Variants in AGAP1 observed in about 807,000 individuals in gnomAD.
AGAP1 encodes arf-GAP with GTPase, ANK repeat and PH domain-containing protein 1.
A neutral mutation model predicts 105.3 loss-of-function variants in AGAP1; 29 were observed. The observed-to-expected ratio is 0.28, with a 90% CI of 0.21 to 0.38. The LOEUF is 0.38. AGAP1 is among the 10% of genes least tolerant of loss of function. AGAP1 has a pLI of 1.00. For missense variants in AGAP1, 998 were observed against 1,165.1 expected (o/e 0.86, Z 2.09); for synonymous variants, 509 against 485.9 (o/e 1.05, Z -0.63).
In AGAP1 at chr2:235,928,168, G is replaced by A. The variant is rs373396370; in HGVS notation, c.1325-2597G>A. 3.3e-4 allele frequency among the ~76,000 whole-genome samples: 50 copies of A among 152,228 alleles called. 1 individual carries two copies. Among genetic ancestry groups the A allele is most frequent in the East Asian group, 1.4e-3 (7 of 5,176 alleles). ...TTTTCCACCTTTGCGGAGTCCTTTC[G>A]CCCACCATAACAGTGTCAGCAGTGT... On this transcript the variant is annotated intron_variant, in intron 11 of 17. Coordinates refer to ENST00000304032, the MANE Select transcript of AGAP1 (RefSeq NM_001037131.3).
chr2:235,793,107 C>T lies in AGAP1; in HGVS notation c.674-4652C>T, dbSNP rs73998904. 0.041 allele frequency among the ~76,000 whole-genome samples: 6,191 copies of T among 152,186 alleles called. 412 individuals are homozygous for T. Among genetic ancestry groups the T allele is most frequent in the African/African-American group, 0.14 (5,751 of 41,486 alleles). On this transcript the variant is annotated intron_variant, in intron 6 of 17. Transcript: ENST00000304032. This position sits in a 1 kb window ranked among gnomAD's most constrained non-coding sequence, Gnocchi z 5.3. ...GAGGAAAGGAGGGAATGACGAGGAA[C>T]GCCACATGCTGCTCAGAGGTCCAGG... is the stretch of plus-strand genomic sequence containing the variant.
intron 9 of AGAP1, among the ~76,000 whole-genome samples, chr2:235,846,119 A>G (rs1353428123): frequency 6.6e-6 from 1 of 152,174 alleles, no homozygotes; most frequent in Non-Finnish European, 1.5e-5. Flanking sequence ...CTTTTTCTCC[A>G]TAAGTCATTG....
rs1393512778 is a variant in AGAP1 at position 235,852,008 on chromosome 2, A to G, written c.1051-31337A>G. ...GAAAGAGATTAACAACCTCCGCTGAATAGAGCCCATTGATGAAACAGGCCT... is the reference window on the plus strand; with the variant it reads ...GAAAGAGATTAACAACCTCCGCTGAGTAGAGCCCATTGATGAAACAGGCCT... On this transcript the variant is annotated intron_variant, in intron 9 of 17. Coordinates refer to ENST00000304032, the MANE Select transcript of AGAP1 (RefSeq NM_001037131.3). Among the ~76,000 whole-genome samples the G allele has an allele frequency of 5.3e-5, 8 of 152,286 alleles. No homozygotes were observed. The East Asian group carries it at 1.5e-3, about 29-fold the overall frequency.
chr2:235,586,865 C>T lies in AGAP1; in HGVS notation c.163+92016C>T, dbSNP rs892342329. Among the ~76,000 whole-genome samples, 4 of 152,126 alleles carry T rather than the reference C, an allele frequency of 2.6e-5. No homozygotes were observed. Among genetic ancestry groups the T allele is most frequent in the African/African-American group, 7.2e-5 (3 of 41,418 alleles). ...GAGCTTTCTTGAGGACGGGTTTTGT[C>T]GGAGTGTAGTTCATATACCATGCAC... On this transcript the variant is annotated intron_variant, in intron 1 of 17. Transcript: ENST00000304032. The surrounding 1 kb of genome is among the most constrained non-coding windows in gnomAD (Gnocchi z 4.2).
intron 16 of AGAP1, among the ~76,000 whole-genome samples, chr2:236,107,327 G>C (rs1466158294): frequency 6.6e-6 from 1 of 152,180 alleles, no homozygotes; most frequent in Admixed American, 6.5e-5. Flanking sequence ...ACACCAAACA[G>C]ACCCTTGGGT....
intron 11 of AGAP1, among the ~76,000 whole-genome samples, chr2:235,924,920 A>G (rs2052370306): frequency 6.7e-6 from 1 of 148,730 alleles, no homozygotes; most frequent in African/African-American, 2.5e-5. Flanking sequence ...AACACAGAGC[A>G]GAGAGCACCT....
intron 10 of AGAP1, among the ~76,000 whole-genome samples, chr2:235,897,880 A>G (rs182957643): frequency 1.7e-3 from 254 of 152,212 alleles, no homozygotes; most frequent in African/African-American, 5.3e-3. Flanking sequence ...GTAGGTAGGG[A>G]GGGGCAGGGC....
chr2:236,002,992 A>C lies in AGAP1; in HGVS notation c.1646-33569A>C, dbSNP rs1423293763. Among the ~76,000 whole-genome samples, 3 of 152,058 alleles carry C rather than the reference A, an allele frequency of 2.0e-5. No individual in the cohort carries two copies. Among genetic ancestry groups the C allele is most frequent in the African/African-American group, 7.2e-5 (3 of 41,396 alleles). Reference sequence around the variant, plus strand: ...TTTGTTTTGCTCACCGAGAAAAAGAAGACTCGGGAACCACAGAACTAACAC... The same window carrying C: ...TTTGTTTTGCTCACCGAGAAAAAGACGACTCGGGAACCACAGAACTAACAC... On this transcript the variant is annotated intron_variant, in intron 13 of 17. Coordinates refer to ENST00000304032, the MANE Select transcript of AGAP1 (RefSeq NM_001037131.3). This position sits in a 1 kb window ranked among gnomAD's most constrained non-coding sequence, Gnocchi z 4.3.
chr2:235,895,699 TTGGATGGA>T (rs113317282), intron 10 of AGAP1, among the ~76,000 whole-genome samples: 4,022 of 118,996 alleles, frequency 0.034, 173 homozygotes, highest in African/African-American at 0.1. Context: ...CACTGGCTTG[TTGGATGGA>T]TGGATGGATG....
intron 1 of AGAP1, among the ~76,000 whole-genome samples, chr2:235,593,385 A>C (rs1008422794): frequency 1.3e-5 from 2 of 152,006 alleles, no homozygotes; most frequent in Non-Finnish European, 2.9e-5. Context: ...TTTCAGAATG[A>C]GTTACAGTGA....
rs915769935 is a variant in AGAP1, at chr2:235,864,690, A to G, written c.1051-18655A>G. On this transcript the variant is annotated intron_variant, in intron 9 of 17. Coordinates refer to ENST00000304032, the MANE Select transcript of AGAP1 (RefSeq NM_001037131.3). The surrounding 1 kb of genome is among the most constrained non-coding windows in gnomAD (Gnocchi z 5.0). ...AACGAGGCGATCAAGAGATAATATT[A>G]ACTAGAAAAATCAAGAGGGGATCTG... is the stretch of plus-strand genomic sequence containing the variant. Among the ~76,000 whole-genome samples the G allele has an allele frequency of 2.0e-5, 3 of 152,208 alleles. No homozygotes were observed. Among genetic ancestry groups the G allele is most frequent in the Non-Finnish European group, 4.4e-5 (3 of 68,034 alleles).
At chr2:235,859,906 G>GC (rs1400501898) in intron 9 of AGAP1, among the ~76,000 whole-genome samples, 1 of 152,148 alleles carries the variant, frequency 6.6e-6, no homozygotes, top group East Asian at 1.9e-4. Context: ...TGTGCGCAGC[G>GC]CCTTCCACCA....
intron 9 of AGAP1, among the ~76,000 whole-genome samples, chr2:235,838,950 C>T (rs562577091): frequency 2.6e-4 from 39 of 152,214 alleles, no homozygotes; most frequent in African/African-American, 8.7e-4. Flanking sequence ...TGTTGCCGCT[C>T]GGGAATTTCA....
intron 1 of AGAP1, among the ~76,000 whole-genome samples, chr2:235,520,052 G>T (rs1942557541): frequency 6.6e-6 from 1 of 152,186 alleles, no homozygotes; most frequent in Admixed American, 6.5e-5. Flanking sequence ...AATGTGCTGG[G>T]ATTATAGGCA....
At chr2:235,521,742 A>ATGTATGTATGTG (rs750369759) in intron 1 of AGAP1, among the ~76,000 whole-genome samples, 1 of 121,528 alleles carries the variant, frequency 8.2e-6, no homozygotes, top group Non-Finnish European at 1.8e-5. Context: ...TGTTATATAT[A>ATGTATGTATGTG]TGTGTGTGTG....
rs1402936832 is a variant in AGAP1, at chr2:235,960,644, T to A, written c.1484-7818T>A. On this transcript the variant is annotated intron_variant, in intron 12 of 17. Coordinates refer to ENST00000304032, the MANE Select transcript of AGAP1 (RefSeq NM_001037131.3). The surrounding 1 kb of genome is among the most constrained non-coding windows in gnomAD (Gnocchi z 4.9). ...AGGTAGCAGGGCCCAAGAAAAATCG[T>A]CTTTTATGGAAGGCATCAAGCAAGA... Among the ~76,000 whole-genome samples, 1 of 152,178 alleles carries A rather than the reference T, an allele frequency of 6.6e-6. No homozygotes were observed. Among genetic ancestry groups the A allele is most frequent in the Non-Finnish European group, 1.5e-5 (1 of 68,032 alleles).
In AGAP1 at chr2:235,728,058, T is replaced by C. The variant is rs956030239; in HGVS notation, c.310+10414T>C. 6.6e-6 allele frequency among the ~76,000 whole-genome samples: 1 copy of C among 152,232 alleles called. No individual in the cohort carries two copies. The highest frequency in any genetic ancestry group is 2.4e-5 in the African/African-American group (1 of 41,468). On this transcript the variant is annotated intron_variant, in intron 3 of 17. Coordinates refer to ENST00000304032, the MANE Select transcript of AGAP1 (RefSeq NM_001037131.3). The surrounding 1 kb of genome is among the most constrained non-coding windows in gnomAD (Gnocchi z 4.3). ...AATGCTGCGTCCTTGTAAGACCGTG[T>C]CTGCCCAGTGGGGGCCTGGACACTA...
chr2:235,576,008 C>A (rs770520502), intron 1 of AGAP1, among the ~76,000 whole-genome samples: 11 of 152,192 alleles, frequency 7.2e-5, no homozygotes, highest in Non-Finnish European at 2.9e-5. Flanking sequence ...TTCCCTTGTC[C>A]TAGGGACCTA....
chr2:235,727,681 A>C (rs950487870), intron 3 of AGAP1, among the ~76,000 whole-genome samples: 3 of 152,096 alleles, frequency 2.0e-5, no homozygotes, highest in Admixed American at 1.3e-4. Context: ...TTAGCTCACC[A>C]CCACTCCTCC....
Sources: allele counts gnomAD v4.1 joint callset (sites outside exome capture counted in the v4.1 genomes callset), GRCh38; gene constraint gnomAD v4.1.1; non-coding constraint Gnocchi (gnomAD v3.1); transcripts MANE v1.5; gene names NCBI Gene and HGNC (gene_info 2026-07-23, HGNC 2026-07-21).